Variants in ZNF687 observed in about 807,000 individuals in gnomAD.
ZNF687 encodes zinc finger protein 687.
In ZNF687, 13 loss-of-function variants were observed where a neutral mutation model predicts 71.8. The observed-to-expected ratio is 0.18, with a 90% CI of 0.12 to 0.29. The LOEUF (loss-of-function observed/expected upper bound fraction) is 0.29, where lower values mean the gene tolerates loss of function less well. Ranked by LOEUF, ZNF687 falls within the 10% of genes least tolerant of loss-of-function variation. The probability of loss-of-function intolerance (pLI) is 1.00; values close to 1 mark genes in which losing one functional copy is unlikely to be tolerated. For synonymous variants in ZNF687, 673 were observed against 641.6 expected (o/e 1.05, Z -0.74); for missense variants, 1,412 against 1,625.6 (o/e 0.87, Z 2.26).
Position 151,287,302 on chromosome 1 carries a change from A to G in ZNF687, c.1011A>G (p.Thr337=). 6.2e-7 allele frequency: 1 copy of G among 1,614,146 alleles called. No individual in the cohort carries two copies. The highest frequency in any genetic ancestry group is 8.5e-7 in the Non-Finnish European group (1 of 1,180,024). Residue 337 remains threonine (T), a synonymous_variant, in exon 2 of 9, where the codon ACA becomes ACG. Coordinates refer to ENST00000336715, the MANE Select transcript of ZNF687 (RefSeq NM_020832.3). The surrounding 1 kb of genome is among the most constrained non-coding windows in gnomAD (Gnocchi z 5.0). Reference sequence around the variant, plus strand: ...AGGTGCGGATCAAGACCATTAAAACATCCTGCGGGAATATCACAAGGACTG... The same window carrying G: ...AGGTGCGGATCAAGACCATTAAAACGTCCTGCGGGAATATCACAAGGACTG... ...PLKVRIKTIK[T]SCGNITRTVT...
upstream of ZNF687, chr1:151,282,013 C>A (rs940737334): frequency 4.8e-5 from 60 of 1,249,110 alleles, no homozygotes; most frequent in Admixed American, 3.9e-4. Flanking sequence ...GCGACAGTGG[C>A]GGAGGCCAAT....
At chr1:151,288,802 A>G (rs1380825331) in intron 3 of ZNF687, 96 bp downstream of exon 3, 12 of 1,377,232 alleles carry the variant, frequency 8.7e-6, no homozygotes, top group East Asian at 2.3e-5. Context: ...TCCCTGCTAT[A>G]TCCCTCAGCC....
At chr1:151,285,441 T>G (rs1024300988) in intron 1 of ZNF687, 2 of 151,984 alleles carry the variant, frequency 1.3e-5, no homozygotes, top group Admixed American at 6.5e-5. Flanking sequence ...TCTGAGACAG[T>G]CTTGCTCTGT....
chr1:151,282,203 CG>C (rs1693738692), upstream of ZNF687: 2 of 1,061,224 alleles, frequency 1.9e-6, no homozygotes, highest in Admixed American at 4.5e-5. Flanking sequence ...GGCTGAGCGA[CG>C]GGGGCAAGGG....
Position 151,291,202 on chromosome 1 carries a change from A to G in ZNF687, c.3707A>G (p.Asp1236Gly), listed in dbSNP as rs1257391708. The change falls in exon 9 of 9, where the codon GAC (aspartate) becomes GGC (glycine). Residue 1236 changes from aspartate (D) to glycine (G), a missense_variant. Physicochemically the swap from Asp to Gly is moderately conservative, Grantham distance 94 (BLOSUM62 -1). This residue lies in a region of ZNF687 where 284 missense variants were observed against 359.2 expected (regional missense o/e 0.79). Coordinates refer to ENST00000336715, the MANE Select transcript of ZNF687 (RefSeq NM_020832.3). Reference protein sequence around the residue: ...FIRARQGAVGDN With the variant: ...FIRARQGAVGGN ...AGGGCTCGGCAGGGGGCTGTTGGGGACAACTAGTCTCCAAGGCCTGGGACT... is the reference window on the plus strand; with the variant it reads ...AGGGCTCGGCAGGGGGCTGTTGGGGGCAACTAGTCTCCAAGGCCTGGGACT... 6.3e-7 allele frequency: 1 copy of G among 1,597,290 alleles called. No homozygotes were observed.
intron 1 of ZNF687, 191 bp from the exon 2 acceptor site, chr1:151,286,083 AC>A: frequency 4.4e-6 from 2 of 459,336 alleles, no homozygotes; most frequent in South Asian, 9.4e-5. Flanking sequence ...AGGTATGGAC[AC>A]TAATCCTCTT....
chr1:151,283,257 CAACCTAA>C, intron 1 of ZNF687: 1 of 985,454 alleles, frequency 1.0e-6, no homozygotes, highest in African/African-American at 1.7e-5. Flanking sequence ...AGCTTGGCCT[CAACCTAA>C]TCGCCGCCAG....
At chr1:151,290,062 G>C (rs1571105525) in intron 6 of ZNF687, 55 bp downstream of exon 6, 1 of 1,608,036 alleles carries the variant, frequency 6.2e-7, no homozygotes, top group Admixed American at 1.7e-5. Context: ...GGGACTGCCA[G>C]TGTGACAGTG....
rs879875471 is a variant in ZNF687 at position 151,291,015 on chromosome 1, G to A, written c.3520G>A (p.Asp1174Asn). Reference protein sequence around the residue: ...VGKASALGLGDGEEEAPPSRS... With the variant: ...VGKASALGLGNGEEEAPPSRS... ...TAAAGCCAGTGCCCTGGGGCTGGGG[G>A]ATGGGGAGGAAGAGGCCCCTCCATC... The change falls in exon 9 of 9, where the codon GAT (aspartate) becomes AAT (asparagine). Residue 1174 changes from aspartate (D) to asparagine (N), a missense_variant. This residue lies in a region of ZNF687 where 284 missense variants were observed against 359.2 expected (regional missense o/e 0.79). Coordinates refer to ENST00000336715, the MANE Select transcript of ZNF687 (RefSeq NM_020832.3). 3.7e-6 allele frequency: 6 copies of A among 1,613,866 alleles called. No homozygotes were observed. Among genetic ancestry groups the A allele is most frequent in the Non-Finnish European group, 4.2e-6 (5 of 1,180,034 alleles).
Position 151,288,070 on chromosome 1 carries a change from G to A in ZNF687, c.1779G>A (p.Gln593=), listed in dbSNP as rs771542279. Residue 593 remains glutamine, a synonymous_variant, in exon 2 of 9, where the codon CAG becomes CAA. Transcript: ENST00000336715. ...REHKDKGLVM[Q]CSHLVMRPVA... is the part of the protein sequence containing the mutation. ...ACAAGGACAAGGGGCTCGTCATGCA[G>A]TGCTCACATTTGGTCATGAGGCCTG... 3.1e-6 allele frequency: 5 copies of A among 1,613,930 alleles called. No homozygotes were observed. The African/African-American group carries it at 4.0e-5, about 13-fold the overall frequency.
At chr1:151,281,999 C>G (rs1557764480), upstream of ZNF687, 1 of 1,235,372 alleles carries the variant, frequency 8.1e-7, no homozygotes, top group South Asian at 1.3e-5. Context: ...TGGCTTCTTT[C>G]TAAGCGACAG....
intron 1 of ZNF687, chr1:151,283,004 A>C (rs1693788025): frequency 1.8e-6 from 1 of 561,306 alleles, no homozygotes; most frequent in Non-Finnish European, 2.3e-6. Context: ...CCCTCTTTCC[A>C]GCTCCCCACC....
chr1:151,282,141 T>A, upstream of ZNF687: 2 of 1,207,512 alleles, frequency 1.7e-6, no homozygotes, highest in Middle Eastern at 4.7e-4. Flanking sequence ...CGGGGCTAGT[T>A]CCGAGCGGCA....
chr1:151,288,060 T>C lies in ZNF687; in HGVS notation c.1769T>C (p.Leu590Pro). 1 of 1,614,046 alleles carries C rather than the reference T, an allele frequency of 6.2e-7. No individual in the cohort carries two copies. ...LHAREHKDKG[L>P]VMQCSHLVMR... ...GCACGTGAACACAAGGACAAGGGGC[T>C]CGTCATGCAGTGCTCACATTTGGTC... The change falls in exon 2 of 9, where the codon CTC (leucine) becomes CCC (proline). Residue 590 changes from leucine (L) to proline (P), a missense_variant. Around this residue, in one of 8 missense-constraint regions of ZNF687, gnomAD observed 207 missense variants for 239.2 expected, o/e 0.87. Coordinates refer to ENST00000336715, the MANE Select transcript of ZNF687 (RefSeq NM_020832.3).
chr1:151,289,434 C>T lies in ZNF687; in HGVS notation c.2528C>T (p.Ser843Phe), dbSNP rs1381547104. Residue 843 changes from serine to phenylalanine, a missense_variant, in exon 5 of 9, where the codon TCC becomes TTC. Physicochemically the swap from Ser to Phe is radical, Grantham distance 155. Transcript: ENST00000336715. ...GTCTTCACTCACAAACCCCTCCTCT[C>T]CTCACACTTCGACCAGCACTTGCTG... is the stretch of plus-strand genomic sequence containing the variant. ...DTVFTHKPLL[S>F]SHFDQHLLPQ... The T allele has an allele frequency of 2.5e-6, 4 of 1,614,076 alleles. No homozygotes were observed. In the African/African-American group the frequency reaches 4.0e-5, roughly 16 times the overall value.
chr1:151,289,346 C>T, intron 4 of ZNF687, 32 bp from the exon 5 acceptor site: 1 of 1,613,880 alleles, frequency 6.2e-7, no homozygotes, highest in African/African-American at 1.3e-5. Context: ...TGCACCCAAC[C>T]CTGCCTGATG....
upstream of ZNF687, chr1:151,281,771 G>A: frequency 2.6e-6 from 1 of 378,506 alleles, no homozygotes; most frequent in East Asian, 7.4e-5. Flanking sequence ...CGGCATCAGT[G>A]ACACGGGTTT....
intron 1 of ZNF687, chr1:151,283,105 G>A (rs1215164693): frequency 1.0e-6 from 1 of 985,318 alleles, no homozygotes; most frequent in African/African-American, 1.7e-5. Context: ...TTCGCACGCC[G>A]GTGCGAGTGA....
rs1412820018 is a variant in ZNF687 at position 151,288,379 on chromosome 1, C to T, written c.2088C>T (p.Gly696=). ...TGGCAGCTCACTTCCAGCAGCTCGG[C>T]CCCCCTGCCCCTGGGGCCACCAGCA... ...AGMAAHFQQL[G]PPAPGATSNV... The change falls in exon 2 of 9, where the codon GGC becomes GGT. Residue 696 remains glycine, a synonymous_variant. Coordinates refer to ENST00000336715, the MANE Select transcript of ZNF687 (RefSeq NM_020832.3). 1.9e-6 allele frequency: 3 copies of T among 1,605,544 alleles called. No homozygotes were observed. The highest frequency in any genetic ancestry group is 1.7e-5 in the Admixed American group (1 of 59,828).
Sources: allele counts gnomAD v4.1 joint callset, GRCh38; gene constraint gnomAD v4.1.1; regional missense constraint gnomAD v4.1.1; non-coding constraint Gnocchi (gnomAD v3.1); transcripts MANE v1.5; gene names NCBI Gene and HGNC (gene_info 2026-07-23, HGNC 2026-07-21).